Variants in CAB39L observed in about 807,000 individuals in gnomAD.
The protein encoded by CAB39L is calcium binding protein 39 like.
Under a neutral mutation model 39.1 loss-of-function variants are expected in CAB39L, and 23 were observed. The observed-to-expected ratio is 0.59, with a 90% CI of 0.42 to 0.83. CAB39L has a LOEUF of 0.83. Ranked by LOEUF, CAB39L falls within the 40% of genes least tolerant of loss-of-function variation. The pLI, the probability that CAB39L is intolerant of heterozygous loss-of-function variation, is 0.00. For synonymous variants in CAB39L, 126 were observed against 137.2 expected (o/e 0.92, Z 0.57); for missense variants, 366 against 391.9 (o/e 0.93, Z 0.56).
chr13:49,366,998 G>A (rs1955792572), intron 5 of CAB39L, among the ~76,000 whole-genome samples: 1 of 151,994 alleles, frequency 6.6e-6, no homozygotes, highest in South Asian at 2.1e-4. Context: ...CCAAGATCCT[G>A]CCTCAAACAA....
intron 3 of CAB39L, among the ~76,000 whole-genome samples, chr13:49,395,354 G>T (rs924493696): frequency 1.3e-5 from 2 of 151,492 alleles, no homozygotes; most frequent in African/African-American, 2.4e-5. Context: ...TCCTGCCTCA[G>T]CCTCCCGAGT....
At chr13:49,349,678 T>TC (rs2138462763) in intron 7 of CAB39L, among the ~76,000 whole-genome samples, 1 of 152,154 alleles carries the variant, frequency 6.6e-6, no homozygotes, top group Non-Finnish European at 1.5e-5. Flanking sequence ...TTATTATCCC[T>TC]CCCCAAATAA....
chr13:49,402,337 C>T (rs1956792774), intron 3 of CAB39L, among the ~76,000 whole-genome samples: 2 of 152,030 alleles, frequency 1.3e-5, no homozygotes, highest in East Asian at 1.9e-4. Flanking sequence ...TGAGTGGGCT[C>T]GTGGTTGGCA....
At chr13:49,379,336 T>C (rs1956203853) in intron 4 of CAB39L, among the ~76,000 whole-genome samples, 1 of 21,216 alleles carries the variant, frequency 4.7e-5, no homozygotes, top group Admixed American at 3.5e-4. Flanking sequence ...AGACTTTTCA[T>C]TTTGTTCTGC....
At chr13:49,318,771 T>G (rs1954262999) in intron 10 of CAB39L, among the ~76,000 whole-genome samples, 1 of 151,438 alleles carries the variant, frequency 6.6e-6, no homozygotes, top group Non-Finnish European at 1.5e-5. Context: ...AATTACCATA[T>G]TACCGAGCAA....
At chr13:49,373,536 G>A (rs534134439) in intron 5 of CAB39L, among the ~76,000 whole-genome samples, 72 of 152,220 alleles carry the variant, frequency 4.7e-4, no homozygotes, top group African/African-American at 1.6e-3. Context: ...GGCTATTCAC[G>A]TACTGAAATC....
chr13:49,440,818 T>C (rs1181334070), intron 1 of CAB39L, among the ~76,000 whole-genome samples: 1 of 129,476 alleles, frequency 7.7e-6, no homozygotes, highest in Non-Finnish European at 1.8e-5. Flanking sequence ...ACATTATTGG[T>C]ATAGAAACGC....
At chr13:49,415,410 A>G (rs1187776340) in intron 3 of CAB39L, among the ~76,000 whole-genome samples, 1 of 151,028 alleles carries the variant, frequency 6.6e-6, no homozygotes, top group African/African-American at 2.4e-5. Flanking sequence ...AATCCCAGCT[A>G]CTCAGGAGGC....
At chr13:49,313,286 C>T (rs1053486785) in intron 10 of CAB39L, among the ~76,000 whole-genome samples, 1 of 152,144 alleles carries the variant, frequency 6.6e-6, no homozygotes, top group South Asian at 2.1e-4. Context: ...TCGAGACCAT[C>T]CTGGCTAACA....
chr13:49,427,732 G>A (rs1166564270), intron 3 of CAB39L, among the ~76,000 whole-genome samples: 1 of 152,112 alleles, frequency 6.6e-6, no homozygotes, highest in African/African-American at 2.4e-5. Flanking sequence ...CATTTGAACT[G>A]CTATATCAGA....
At chr13:49,407,961 G>A (rs973357276) in intron 3 of CAB39L, among the ~76,000 whole-genome samples, 1 of 152,010 alleles carries the variant, frequency 6.6e-6, no homozygotes, top group Non-Finnish European at 1.5e-5. Flanking sequence ...TCCAGGTTGC[G>A]GTCAGATTAT....
At chr13:49,366,007 T>C (rs1054563452) in intron 5 of CAB39L, among the ~76,000 whole-genome samples, 158 of 152,176 alleles carry the variant, frequency 1.0e-3, no homozygotes, top group Admixed American at 1.4e-3. Flanking sequence ...TGCAACAACA[T>C]GGATGGAACT....
At chr13:49,346,081 TATATATATATATATGCTAG>T (rs1478560624) in intron 7 of CAB39L, among the ~76,000 whole-genome samples, 4 of 124,496 alleles carry the variant, frequency 3.2e-5, no homozygotes, top group Non-Finnish European at 5.0e-5. Flanking sequence ...GCTAGATATA[TATATATATATATATGCTAG>T]ATATATATAT....
intron 3 of CAB39L, among the ~76,000 whole-genome samples, chr13:49,418,917 A>G (rs1957126546): frequency 6.6e-6 from 1 of 152,150 alleles, no homozygotes; most frequent in Admixed American, 6.5e-5. Flanking sequence ...CTTTCACCTC[A>G]TGTATATTTG....
At chr13:49,411,782 T>A (rs976007506) in intron 3 of CAB39L, among the ~76,000 whole-genome samples, 5 of 152,148 alleles carry the variant, frequency 3.3e-5, no homozygotes, top group Non-Finnish European at 5.9e-5. Flanking sequence ...TGGGATAAGC[T>A]GGAGACCCAT....
At chr13:49,396,179 GA>G (rs1956620491) in intron 3 of CAB39L, among the ~76,000 whole-genome samples, 1 of 151,706 alleles carries the variant, frequency 6.6e-6, no homozygotes, top group Admixed American at 6.6e-5. Context: ...ATTTATATCT[GA>G]AGCCAAAAGA....
chr13:49,394,240 GA>G (rs1300724223), intron 3 of CAB39L, among the ~76,000 whole-genome samples: 1 of 151,804 alleles, frequency 6.6e-6, no homozygotes. Context: ...GAAACATACA[GA>G]TAAGTGAAAA....
At chr13:49,317,793 A>G (rs1024109225) in intron 10 of CAB39L, among the ~76,000 whole-genome samples, 2 of 152,186 alleles carry the variant, frequency 1.3e-5, no homozygotes, top group African/African-American at 4.8e-5. Flanking sequence ...AAACTTTTGT[A>G]TATCAAAGGA....
intron 9 of CAB39L, among the ~76,000 whole-genome samples, chr13:49,334,776 A>G: frequency 6.6e-6 from 1 of 152,194 alleles, no homozygotes; most frequent in East Asian, 1.9e-4. Context: ...GCAAACAGAC[A>G]AAACTATCCC....
Sources: allele counts gnomAD v4.1 joint callset (sites outside exome capture counted in the v4.1 genomes callset), GRCh38; gene constraint gnomAD v4.1.1; transcripts MANE v1.5; gene names NCBI Gene and HGNC (gene_info 2026-07-23, HGNC 2026-07-21).